The following TECRL variants were observed in gnomAD, a reference collection of about 807,000 sequenced individuals.
The protein encoded by TECRL is trans-2,3-enoyl-CoA reductase like.
Under a neutral mutation model 52.8 loss-of-function variants are expected in TECRL, and 63 were observed. That is an observed-to-expected ratio of 1.19 (90% CI 0.97 to 1.47). The LOEUF (loss-of-function observed/expected upper bound fraction) is 1.47. Among genes scored for constraint, TECRL ranks in the 40% most tolerant of loss-of-function variants. The pLI is 0.00. For missense variants in TECRL, 482 were observed against 429.6 expected (o/e 1.12, Z -1.08); for synonymous variants, 164 against 141.9 (o/e 1.16, Z -1.10).
intron 2 of TECRL, 126 bp downstream of exon 2, chr4:64,375,046 T>C (rs1722298458): frequency 2.6e-6 from 1 of 388,266 alleles, no homozygotes; most frequent in Non-Finnish European, 4.7e-6. Flanking sequence ...CAAACTATTG[T>C]TCCTGAGCTC....
chr4:64,390,528 C>T (rs1019691350), intron 1 of TECRL, among the ~76,000 whole-genome samples: 1 of 151,756 alleles, frequency 6.6e-6, no homozygotes, highest in Non-Finnish European at 1.5e-5. Context: ...TTAATCTGCT[C>T]CATAATGAAT....
chr4:64,382,240 TATG>T lies in TECRL; in HGVS notation c.235-7020_235-7018del, dbSNP rs1486846730. 3.9e-5 allele frequency among the ~76,000 whole-genome samples: 5 copies of T among 126,936 alleles called. No individual in the cohort carries two copies. In the East Asian group the frequency reaches 1.1e-3, roughly 29 times the overall value. 83.3% of individuals were successfully genotyped at this position (126,936 alleles called of 152,430 possible). A position where few individuals can be genotyped will look rare whatever the true frequency, so the allele number is the denominator to read the frequency against. On this transcript the variant is annotated intron_variant, in intron 1 of 11. Coordinates refer to ENST00000381210, the MANE Select transcript of TECRL (RefSeq NM_001010874.5). ...ATATATATATATATATATATAGTATTATGTATATATAATATATATTATGTTATA... is the reference window on the plus strand; with the variant it reads ...ATATATATATATATATATATAGTATTTATATATAATATATATTATGTTATA...
At chr4:64,355,926 A>T (rs28399780) in intron 2 of TECRL, among the ~76,000 whole-genome samples, 100,826 of 151,964 alleles carry the variant, frequency 0.66, 34,844 homozygotes, top group Non-Finnish European at 0.76. Flanking sequence ...CTATGTAGAA[A>T]GGAAAGACAT....
intron 8 of TECRL, chr4:64,298,793 A>T (rs1723837719): frequency 6.6e-6 from 1 of 151,142 alleles, no homozygotes; most frequent in Non-Finnish European, 1.5e-5. Flanking sequence ...ATTACTAACA[A>T]ATAGGTGGTT....
intron 2 of TECRL, among the ~76,000 whole-genome samples, chr4:64,374,504 G>A (rs1224543619): frequency 1.3e-5 from 2 of 151,796 alleles, no homozygotes; most frequent in Non-Finnish European, 2.9e-5. Flanking sequence ...TTGGTGTGCT[G>A]CACCCATTAA....
chr4:64,276,885 A>ATACT, downstream of TECRL: 1 of 470,762 alleles, frequency 2.1e-6, no homozygotes, highest in South Asian at 4.9e-5. Context: ...ATATGTGTAC[A>ATACT]TACTTATGTA....
intron 4 of TECRL, among the ~76,000 whole-genome samples, chr4:64,319,095 C>T (rs1717708144): frequency 6.6e-6 from 1 of 151,694 alleles, no homozygotes; most frequent in African/African-American, 2.4e-5. Flanking sequence ...CATTTAATAT[C>T]TCAAGGGTTC....
At chr4:64,342,988 A>G (rs1395254995) in intron 2 of TECRL, among the ~76,000 whole-genome samples, 1 of 152,114 alleles carries the variant, frequency 6.6e-6, no homozygotes, top group Non-Finnish European at 1.5e-5. Flanking sequence ...TGTTGTGATC[A>G]CTAACAAAAC....
intron 2 of TECRL, among the ~76,000 whole-genome samples, 163 bp from the exon 3 acceptor site, chr4:64,328,719 A>C (rs1718427259): frequency 6.6e-6 from 1 of 151,972 alleles, no homozygotes; most frequent in Non-Finnish European, 1.5e-5. Flanking sequence ...GGTACTGACC[A>C]GCAATGACGG....
intron 8 of TECRL, among the ~76,000 whole-genome samples, chr4:64,292,049 C>T (rs578158792): frequency 9.1e-4 from 138 of 151,980 alleles, no homozygotes; most frequent in African/African-American, 3.2e-3. Flanking sequence ...ATACAGTTTG[C>T]GATGCTAACT....
intron 2 of TECRL, among the ~76,000 whole-genome samples, chr4:64,336,871 G>A (rs1719127829): frequency 6.6e-6 from 1 of 152,286 alleles, no homozygotes; most frequent in Admixed American, 6.5e-5. Flanking sequence ...TGGTCTGAGA[G>A]ACAGTTTGTT....
chr4:64,372,121 G>T (rs532000450), intron 2 of TECRL, among the ~76,000 whole-genome samples: 1 of 151,874 alleles, frequency 6.6e-6, no homozygotes, highest in African/African-American at 2.4e-5. Flanking sequence ...AGATGAACAT[G>T]AATAGAGCAT....
intron 2 of TECRL, among the ~76,000 whole-genome samples, chr4:64,361,073 C>T (rs999654672): frequency 1.8e-4 from 5 of 27,244 alleles, no homozygotes; most frequent in African/African-American, 2.3e-4. Context: ...TCTAAGCAGC[C>T]CTTTGTCTGT....
chr4:64,366,929 T>C (rs978145909), intron 2 of TECRL, among the ~76,000 whole-genome samples: 71 of 152,076 alleles, frequency 4.7e-4, no homozygotes, highest in African/African-American at 1.6e-3. Context: ...AAGAGACACA[T>C]GTACTCATGT....
intron 8 of TECRL, among the ~76,000 whole-genome samples, chr4:64,291,184 G>C (rs1006525821): frequency 6.6e-6 from 1 of 151,888 alleles, no homozygotes; most frequent in Non-Finnish European, 1.5e-5. Flanking sequence ...TGTCTCTAGA[G>C]AATTCATGAC....
rs755146287 is a variant in TECRL at position 64,305,193 on chromosome 4, T to C, written c.703A>G (p.Ile235Val). 5.0e-6 allele frequency: 8 copies of C among 1,612,756 alleles called. No individual in the cohort carries two copies. The Admixed American group carries it at 5.0e-5, about 10-fold the overall frequency. The part of the protein sequence containing the change: ...WGFTSWIAYY[I>V]NHPLYTPPSF... ...GGTGGTGTATATAGTGGATGATTAA[T>C]GTAGTAGGCAATCCAAGAAGTAAAT... Residue 235 changes from isoleucine to valine, a missense_variant, in exon 7 of 12, where the codon ATT becomes GTT. Coordinates refer to ENST00000381210, the MANE Select transcript of TECRL (RefSeq NM_001010874.5).
At chr4:64,371,040 A>T (rs1475807872) in intron 2 of TECRL, among the ~76,000 whole-genome samples, 1 of 151,688 alleles carries the variant, frequency 6.6e-6, no homozygotes, top group Non-Finnish European at 1.5e-5. Context: ...CTGTGATTTT[A>T]ATTGTAATTG....
intron 8 of TECRL, among the ~76,000 whole-genome samples, chr4:64,295,262 C>T (rs1395822980): frequency 6.6e-6 from 1 of 151,062 alleles, no homozygotes; most frequent in Non-Finnish European, 1.5e-5. Flanking sequence ...TCAGATATTG[C>T]ATTTATATTA....
chr4:64,282,287 G>A (rs1042871655), intron 9 of TECRL, among the ~76,000 whole-genome samples: 7 of 151,856 alleles, frequency 4.6e-5, no homozygotes, highest in Non-Finnish European at 1.0e-4. Context: ...ATTTGTAAAA[G>A]TAAATATGAA....
Sources: gnomAD v4.1 joint callset for allele counts (sites outside exome capture counted in the v4.1 genomes callset) on GRCh38, gnomAD v4.1.1 for gene constraint, MANE v1.5 for transcripts, NCBI Gene and HGNC (gene_info 2026-07-23, HGNC 2026-07-21) for gene names.